The following PTPRR variants were observed in gnomAD, a reference collection of about 807,000 sequenced individuals.
The protein encoded by PTPRR is protein tyrosine phosphatase receptor type R, also known as receptor-type tyrosine-protein phosphatase R.
A neutral mutation model predicts 77.2 loss-of-function variants in PTPRR; 38 were observed. That is an observed-to-expected ratio of 0.49 (90% CI 0.38 to 0.65). The LOEUF (loss-of-function observed/expected upper bound fraction) is 0.65, where lower values mean the gene tolerates loss of function less well. Ranked by LOEUF, PTPRR falls within the 30% of genes least tolerant of loss-of-function variation. The pLI, the probability that PTPRR is intolerant of heterozygous loss-of-function variation, is 0.00. For synonymous variants in PTPRR, 299 were observed against 283.1 expected (o/e 1.06, Z -0.57); for missense variants, 744 against 799.2 (o/e 0.93, Z 0.83).
chr12:70,646,702 T>A (rs1368784462), intron 13 of PTPRR, among the ~76,000 whole-genome samples: 2 of 152,212 alleles, frequency 1.3e-5, no homozygotes, highest in Non-Finnish European at 2.9e-5. Context: ...ATCAAAATGT[T>A]GAATTCCTGA....
chr12:70,682,278 C>T (rs1436719768), intron 10 of PTPRR, among the ~76,000 whole-genome samples: 1 of 151,526 alleles, frequency 6.6e-6, no homozygotes, highest in African/African-American at 2.4e-5. Context: ...CTCCTGACCT[C>T]GTGATCCGCC....
At chr12:70,729,696 G>A (rs1889585016) in intron 6 of PTPRR, among the ~76,000 whole-genome samples, 1 of 152,060 alleles carries the variant, frequency 6.6e-6, no homozygotes. Context: ...AAGGTCTAAT[G>A]TACACCAGGC....
intron 6 of PTPRR, among the ~76,000 whole-genome samples, chr12:70,708,889 C>G (rs149113309): frequency 9.2e-5 from 14 of 151,888 alleles, no homozygotes; most frequent in Non-Finnish European, 1.3e-4. Context: ...CCTCCTGTCT[C>G]TTTATGCAAT....
intron 4 of PTPRR, 121 bp from the exon 5 acceptor site, chr12:70,754,422 C>A (rs1890504312): frequency 6.4e-7 from 1 of 1,563,814 alleles, no homozygotes; most frequent in Non-Finnish European, 8.6e-7. Flanking sequence ...ACACCTACAC[C>A]CCCCGCTGCC....
intron 10 of PTPRR, among the ~76,000 whole-genome samples, chr12:70,665,797 A>C (rs763868531): frequency 1.7e-4 from 26 of 152,220 alleles, no homozygotes; most frequent in Non-Finnish European, 3.1e-4. Context: ...TGAAAAAAAA[A>C]AACCTATTTT....
intron 2 of PTPRR, among the ~76,000 whole-genome samples, chr12:70,823,580 TCTC>T (rs1892059613): frequency 1.3e-5 from 2 of 152,362 alleles, no homozygotes; most frequent in South Asian, 4.1e-4. Flanking sequence ...ATTATGTTCC[TCTC>T]CTAACTCTCT....
chr12:70,763,189 A>T (rs1890732905), intron 3 of PTPRR, among the ~76,000 whole-genome samples: 1 of 151,550 alleles, frequency 6.6e-6, no homozygotes, highest in Non-Finnish European at 1.5e-5. Context: ...AGTGCCATGG[A>T]GTGATCTCTG....
At chr12:70,656,627 T>C in intron 13 of PTPRR, 77 bp downstream of exon 13, 2 of 995,160 alleles carry the variant, frequency 2.0e-6, no homozygotes, top group East Asian at 2.4e-5. Context: ...CTGAGATGTT[T>C]ATGCATGAAG....
chr12:70,675,540 A>C (rs1483985215), intron 10 of PTPRR, among the ~76,000 whole-genome samples: 1 of 152,044 alleles, frequency 6.6e-6, no homozygotes, highest in Non-Finnish European at 1.5e-5. Context: ...TAACACAGAA[A>C]TATTTTAACT....
intron 2 of PTPRR, among the ~76,000 whole-genome samples, chr12:70,808,215 T>C (rs939035009): frequency 1.3e-5 from 2 of 152,146 alleles, no homozygotes; most frequent in African/African-American, 2.4e-5. Flanking sequence ...TGGCAAATTC[T>C]AGTCAGACTG....
At chr12:70,915,635 T>C (rs1893764183) in intron 1 of PTPRR, among the ~76,000 whole-genome samples, 1 of 152,154 alleles carries the variant, frequency 6.6e-6, no homozygotes, top group South Asian at 2.1e-4. Flanking sequence ...TTGAAAGACT[T>C]TTTTCACTGA....
intron 2 of PTPRR, among the ~76,000 whole-genome samples, chr12:70,874,954 C>T (rs931832484): frequency 1.3e-5 from 2 of 149,268 alleles, no homozygotes; most frequent in Non-Finnish European, 3.0e-5. Context: ...AGCAACCTCA[C>T]GTTTGGGAAT....
rs146763015 is a variant in PTPRR, at chr12:70,875,894, A to T, written c.357+16785T>A. Among the ~76,000 whole-genome samples, 423 of 152,272 alleles carry T rather than the reference A, an allele frequency of 2.8e-3. 3 individuals carry two copies. Among genetic ancestry groups the T allele is most frequent in the African/African-American group, 9.7e-3 (404 of 41,556 alleles). On this transcript the variant is annotated intron_variant, in intron 2 of 13. Coordinates refer to ENST00000283228, the MANE Select transcript of PTPRR (RefSeq NM_002849.4). ...ATTTGCATGAGAGGAATTCCAAGTAACTGATACACATGAAAGATGTTGTCC... is the reference window on the plus strand; with the variant it reads ...ATTTGCATGAGAGGAATTCCAAGTATCTGATACACATGAAAGATGTTGTCC...
intron 1 of PTPRR, among the ~76,000 whole-genome samples, chr12:70,913,034 C>T (rs1391862519): frequency 6.6e-6 from 1 of 152,052 alleles, no homozygotes; most frequent in Non-Finnish European, 1.5e-5. Context: ...CACAGAACAA[C>T]TTTTAAGATT....
intron 2 of PTPRR, among the ~76,000 whole-genome samples, chr12:70,787,813 A>G (rs1891353603): frequency 6.6e-6 from 1 of 152,170 alleles, no homozygotes; most frequent in African/African-American, 2.4e-5. Context: ...TCAGACAGAA[A>G]GTTAATCCAA....
chr12:70,692,808 T>C (rs1406637046), intron 8 of PTPRR, among the ~76,000 whole-genome samples: 1 of 152,160 alleles, frequency 6.6e-6, no homozygotes, highest in Non-Finnish European at 1.5e-5. Context: ...TTGGGTCCCC[T>C]GAGTTTTATT....
In PTPRR at chr12:70,698,739, C is replaced by T. The variant is rs546658777; in HGVS notation, c.1195-390G>A. Among the ~76,000 whole-genome samples the T allele has an allele frequency of 2.2e-3, 333 of 152,196 alleles. 3 individuals carry two copies. The highest frequency in any genetic ancestry group is 3.4e-3 in the Middle Eastern group (1 of 294). On this transcript the variant is annotated intron_variant, in intron 7 of 13. Transcript: ENST00000283228. ...CATAACTTTAGTACCAAAAATTTTACTATAATAGATTATCTTTTCACACTA... is the reference window on the plus strand; with the variant it reads ...CATAACTTTAGTACCAAAAATTTTATTATAATAGATTATCTTTTCACACTA...
intron 2 of PTPRR, among the ~76,000 whole-genome samples, chr12:70,874,696 G>A (rs1224339324): frequency 6.6e-6 from 1 of 152,006 alleles, no homozygotes; most frequent in East Asian, 1.9e-4. Flanking sequence ...GGCCAAGGTG[G>A]GTGGATCACG....
intron 2 of PTPRR, among the ~76,000 whole-genome samples, chr12:70,814,704 G>A (rs1450324314): frequency 2.0e-5 from 3 of 152,134 alleles, no homozygotes; most frequent in East Asian, 3.9e-4. Flanking sequence ...ACAAACTGTA[G>A]GCTGAATGTA....
Sources: allele counts gnomAD v4.1 joint callset (sites outside exome capture counted in the v4.1 genomes callset), GRCh38; gene constraint gnomAD v4.1.1; transcripts MANE v1.5; gene names NCBI Gene and HGNC (gene_info 2026-07-23, HGNC 2026-07-21).